The following RIPOR2 variants were observed in gnomAD, a reference collection of about 807,000 sequenced individuals.
The protein encoded by RIPOR2 is rho family-interacting cell polarization regulator 2.
RIPOR2 carries 39 observed loss-of-function variants against 114.5 expected under a neutral mutation model. That is an observed-to-expected ratio of 0.34 (90% CI 0.26 to 0.44). The LOEUF (loss-of-function observed/expected upper bound fraction) is 0.44, where lower values mean the gene tolerates loss of function less well. RIPOR2 is among the 20% of genes least tolerant of loss of function. The pLI is 1.00. For synonymous variants in RIPOR2, 445 were observed against 484.4 expected (o/e 0.92, Z 1.07); for missense variants, 1,007 against 1,255.1 (o/e 0.80, Z 2.99).
At chr6:24,963,733 T>C (rs1773403640) in intron 1 of RIPOR2, among the ~76,000 whole-genome samples, 2 of 112,646 alleles carry the variant, frequency 1.8e-5, no homozygotes, top group African/African-American at 2.8e-5. Flanking sequence ...CGTATGTTTG[T>C]GCATGCATGT....
intron 1 of RIPOR2, among the ~76,000 whole-genome samples, chr6:24,900,971 C>T (rs1005418884): frequency 6.6e-6 from 1 of 152,154 alleles, no homozygotes; most frequent in Non-Finnish European, 1.5e-5. Flanking sequence ...CAGACCACCA[C>T]ACCTGCCTTA....
intron 7 of RIPOR2, among the ~76,000 whole-genome samples, chr6:24,863,674 T>G (rs1167234129): frequency 6.6e-6 from 1 of 152,186 alleles, no homozygotes; most frequent in Admixed American, 6.5e-5. Flanking sequence ...CATGTTTAGG[T>G]ATGATGAAGG....
intron 1 of RIPOR2, among the ~76,000 whole-genome samples, chr6:25,002,323 G>A (rs897511370): frequency 2.0e-5 from 3 of 152,180 alleles, no homozygotes; most frequent in African/African-American, 7.2e-5. Flanking sequence ...CATAACGTAT[G>A]TCCTCCAACT....
At chr6:24,836,313 GC>G (rs1163853177) in intron 14 of RIPOR2, among the ~76,000 whole-genome samples, 3 of 152,234 alleles carry the variant, frequency 2.0e-5, no homozygotes, top group Middle Eastern at 6.8e-3. Context: ...CAGATCAACT[GC>G]TACTTGAATA....
At chr6:24,951,030 G>A (rs1772723519) in intron 1 of RIPOR2, among the ~76,000 whole-genome samples, 1 of 152,178 alleles carries the variant, frequency 6.6e-6, no homozygotes, top group Non-Finnish European at 1.5e-5. Flanking sequence ...AGAAATCAAT[G>A]TTCCAGACAT....
chr6:24,970,516 A>C (rs1344371622), intron 1 of RIPOR2, among the ~76,000 whole-genome samples: 1 of 152,204 alleles, frequency 6.6e-6, no homozygotes, highest in Non-Finnish European at 1.5e-5. Context: ...GGCCTACTGA[A>C]CTGGACCCTC....
rs1391973499 is a variant in RIPOR2 at position 24,804,716 on chromosome 6, T to A, written c.*1657A>T. Reference sequence around the variant, plus strand: ...AAATGAAATGAGTCCTTTTTAAAAGTCTTGCTAAAATGTAAATATTTAAAA... The same window carrying A: ...AAATGAAATGAGTCCTTTTTAAAAGACTTGCTAAAATGTAAATATTTAAAA... On this transcript the variant is annotated 3_prime_UTR_variant, in exon 22 of 22. Coordinates refer to ENST00000643898, the MANE Select transcript of RIPOR2 (RefSeq NM_001286445.3). The A allele has an allele frequency of 6.6e-6, 1 of 152,206 alleles. No individual in the cohort carries two copies. The highest frequency in any genetic ancestry group is 1.5e-5 in the Non-Finnish European group (1 of 68,028). 9.4% of individuals were successfully genotyped at this position (152,206 alleles called of 1,614,324 possible).
At chr6:24,968,433 A>G (rs1183601219) in intron 1 of RIPOR2, among the ~76,000 whole-genome samples, 3 of 152,154 alleles carry the variant, frequency 2.0e-5, no homozygotes, top group Non-Finnish European at 4.4e-5. Context: ...CGCCCCGTGT[A>G]TACCCAGTCT....
intron 1 of RIPOR2, among the ~76,000 whole-genome samples, chr6:24,970,695 C>T (rs1196292669): frequency 6.6e-6 from 1 of 152,084 alleles, no homozygotes; most frequent in Non-Finnish European, 1.5e-5. Context: ...ATTTAAGGAA[C>T]TGCGGGGTGG....
At chr6:24,962,044 G>A (rs1372972364) in intron 1 of RIPOR2, among the ~76,000 whole-genome samples, 1 of 152,158 alleles carries the variant, frequency 6.6e-6, no homozygotes, top group African/African-American at 2.4e-5. Flanking sequence ...CTCCCAGCCA[G>A]CAAGAAGCAG....
At chr6:25,022,206 A>G (rs2040240615) in intron 1 of RIPOR2, among the ~76,000 whole-genome samples, 1 of 152,210 alleles carries the variant, frequency 6.6e-6, no homozygotes, top group African/African-American at 2.4e-5. Context: ...TCATATGAAA[A>G]AAGTTTCCTC....
At chr6:24,857,245 G>A (rs924160824) in intron 8 of RIPOR2, among the ~76,000 whole-genome samples, 5 of 152,178 alleles carry the variant, frequency 3.3e-5, no homozygotes, top group Admixed American at 6.5e-5. Context: ...CTGGGGGCCT[G>A]CTGGCATTTT....
upstream of RIPOR2, among the ~76,000 whole-genome samples, chr6:24,937,992 T>A (rs996763905): frequency 6.6e-6 from 1 of 152,130 alleles, no homozygotes; most frequent in East Asian, 1.9e-4. Context: ...CTTCAAAAAG[T>A]TAGCATAACC....
chr6:24,960,552 G>A (rs907150931), intron 1 of RIPOR2, among the ~76,000 whole-genome samples: 1 of 152,042 alleles, frequency 6.6e-6, no homozygotes, highest in African/African-American at 2.4e-5. Flanking sequence ...TTGAGACCAG[G>A]TCTCACTCTG....
chr6:24,856,699 G>A (rs1375382323), intron 8 of RIPOR2, among the ~76,000 whole-genome samples: 1 of 152,164 alleles, frequency 6.6e-6, no homozygotes, highest in African/African-American at 2.4e-5. Context: ...AGGTTGCAGT[G>A]AACAGAGATA....
At chr6:25,006,028 T>C (rs1461233205) in intron 1 of RIPOR2, among the ~76,000 whole-genome samples, 1 of 152,144 alleles carries the variant, frequency 6.6e-6, no homozygotes, top group Non-Finnish European at 1.5e-5. Flanking sequence ...ATCCTTACTT[T>C]AAAATATTTC....
intron 9 of RIPOR2, among the ~76,000 whole-genome samples, chr6:24,852,221 C>T (rs1414561018): frequency 1.3e-5 from 2 of 151,976 alleles, no homozygotes; most frequent in Non-Finnish European, 2.9e-5. Context: ...GAGATCATGC[C>T]ACTGCACTCC....
intron 20 of RIPOR2, among the ~76,000 whole-genome samples, chr6:24,817,978 C>CTTTTTT (rs57294288): frequency 8.4e-6 from 1 of 118,366 alleles, no homozygotes; most frequent in Non-Finnish European, 1.7e-5. Flanking sequence ...CTCTCTCTCT[C>CTTTTTT]TTTTTTTTTG....
At position 24,983,261 on chromosome 6, in the gene RIPOR2, C is replaced by T. The variant is rs141774365; in HGVS notation, c.76+58590G>A. ...ACACAGGCACACACATATATATACA[C>T]GTATACATATATATGTATATATGGC... On this transcript the variant is annotated intron_variant, in intron 1 of 13. Transcript: ENST00000510784. 7.9e-3 allele frequency among the ~76,000 whole-genome samples: 1,196 copies of T among 151,868 alleles called. 16 individuals are homozygous for T. Among genetic ancestry groups the T allele is most frequent in the African/African-American group, 0.025 (1,024 of 41,406 alleles).
Sources: gnomAD v4.1 joint callset for allele counts (sites outside exome capture counted in the v4.1 genomes callset) on GRCh38, gnomAD v4.1.1 for gene constraint, MANE v1.5 for transcripts, NCBI Gene and HGNC (gene_info 2026-07-23, HGNC 2026-07-21) for gene names.